Variants in TDG observed in about 807,000 individuals in gnomAD.
TDG encodes the protein G/T mismatch-specific thymine DNA glycosylase.
In TDG, 23 loss-of-function variants were observed where a neutral mutation model predicts 46.1. The observed-to-expected ratio is 0.50, with a 90% CI of 0.36 to 0.71. The LOEUF (loss-of-function observed/expected upper bound fraction) is 0.71, where lower values mean the gene tolerates loss of function less well. Among genes scored for constraint, TDG ranks in the 30% least tolerant of loss-of-function variants. The probability of loss-of-function intolerance (pLI) is 0.00; values close to 1 mark genes in which losing one functional copy is unlikely to be tolerated. For missense variants in TDG, 304 were observed against 486.7 expected, an observed-to-expected ratio of 0.62 and a Z score of 3.53; for synonymous variants, 115 against 161.3, an observed-to-expected ratio of 0.71 and a Z score of 2.18.
At chr12:103,985,869 T>A in intron 9 of TDG, 141 bp downstream of exon 9, 1 of 946,468 alleles carries the variant, frequency 1.1e-6, no homozygotes, top group African/African-American at 1.7e-5. Flanking sequence ...TAGTGAAAAA[T>A]TGATGGTTAT....
At chr12:103,972,732 C>A (rs1419677032) in intron 1 of TDG, among the ~76,000 whole-genome samples, 1 of 152,136 alleles carries the variant, frequency 6.6e-6, no homozygotes, top group African/African-American at 2.4e-5. Context: ...AGGTTTCTTT[C>A]AAACTTGATA....
intron 7 of TDG, 56 bp from the exon 8 acceptor site, chr12:103,984,689 CAATG>C: frequency 7.7e-7 from 1 of 1,297,088 alleles, no homozygotes; most frequent in Non-Finnish European, 1.0e-6. Flanking sequence ...ATTCTAATCT[CAATG>C]AGTGAATTCA....
chr12:103,966,098 C>T lies in TDG; in HGVS notation c.23+38C>T, dbSNP rs897730098. 2.6e-6 allele frequency: 4 copies of T among 1,535,894 alleles called. No individual in the cohort carries two copies. In the African/African-American group the frequency reaches 4.2e-5, roughly 16 times the overall value. ...CCAGCGCCGCCCCTCCCTTGCGCCCCTCACTGCTGGGCAGGCTGGCTGGCG... is the reference window on the plus strand; with the variant it reads ...CCAGCGCCGCCCCTCCCTTGCGCCCTTCACTGCTGGGCAGGCTGGCTGGCG... On this transcript the variant is annotated intron_variant, in intron 1 of 9. Transcript: ENST00000392872.
At chr12:103,983,106 A>G (rs753405857) in intron 5 of TDG, 30 bp from the exon 6 acceptor site, 1 of 1,558,830 alleles carries the variant, frequency 6.4e-7, no homozygotes, top group South Asian at 1.2e-5. Context: ...TCATATTTAT[A>G]TTTTTGACTA....
rs1454410058 is a variant in TDG, at chr12:103,988,840, T to C, written c.*1750T>C. The stretch of plus-strand genomic sequence containing the variant: ...AATTCATTTGAAAGTCTGATGGCTT[T>C]TACAATAAAAGATATTAAGAATTGT... On this transcript the variant is annotated 3_prime_UTR_variant, in exon 10 of 10. Transcript: ENST00000392872. The C allele has an allele frequency of 6.6e-6, 1 of 152,180 alleles. No individual in the cohort carries two copies. Among genetic ancestry groups the C allele is most frequent in the African/African-American group, 2.4e-5 (1 of 41,444 alleles). 9.4% of individuals were successfully genotyped at this position (152,180 alleles called of 1,614,324 possible).
intron 7 of TDG, among the ~76,000 whole-genome samples, chr12:103,984,545 C>T (rs1389346655): frequency 6.6e-6 from 1 of 152,062 alleles, no homozygotes; most frequent in African/African-American, 2.4e-5. Context: ...GGCGGAGGCT[C>T]ATTATTTTTC....
chr12:103,966,964 T>TA (rs1871064829), intron 1 of TDG, among the ~76,000 whole-genome samples: 1 of 152,160 alleles, frequency 6.6e-6, no homozygotes. Flanking sequence ...AAGGGCACAC[T>TA]AACCAAAATA....
chr12:103,983,264 G>A (rs1457564453), intron 6 of TDG, 31 bp from the exon 7 acceptor site: 1 of 1,569,014 alleles, frequency 6.4e-7, no homozygotes, highest in Non-Finnish European at 8.6e-7. Context: ...AACATTATGG[G>A]CAATGTAAAT....
At chr12:103,984,464 A>G (rs1055674221) in intron 7 of TDG, among the ~76,000 whole-genome samples, 1 of 152,156 alleles carries the variant, frequency 6.6e-6, no homozygotes, top group African/African-American at 2.4e-5. Flanking sequence ...GCATGGTGGC[A>G]TGCGCTGTAA....
intron 4 of TDG, 45 bp downstream of exon 4, chr12:103,981,007 C>G: frequency 6.5e-7 from 1 of 1,536,628 alleles, no homozygotes; most frequent in Non-Finnish European, 8.9e-7. Flanking sequence ...AATTAGGTAT[C>G]TTTGTTAACA....
Position 103,987,075 on chromosome 12 carries a change from A to G in TDG, c.1218A>G (p.Glu406=). The change falls in exon 10 of 10, where the codon GAA becomes GAG. Residue 406 remains glutamate, a synonymous_variant. Coordinates refer to ENST00000392872, the MANE Select transcript of TDG (RefSeq NM_003211.6). ...ACTGTGGAACACAAGAACAGGAAGAAGAAAGCCATGCTTAAGAATGGTGCT... is the reference window on the plus strand; with the variant it reads ...ACTGTGGAACACAAGAACAGGAAGAGGAAAGCCATGCTTAAGAATGGTGCT... ...SNHCGTQEQE[E]ESHA is the part of the protein sequence containing the mutation. 6.2e-7 allele frequency: 1 copy of G among 1,613,940 alleles called. No individual in the cohort carries two copies. Among genetic ancestry groups the G allele is most frequent in the Non-Finnish European group, 8.5e-7 (1 of 1,179,940 alleles).
In TDG at chr12:103,982,925, A is replaced by G. The variant is rs1241547052; in HGVS notation, c.605A>G (p.Asp202Gly). Residue 202 changes from aspartate to glycine, a missense_variant, in exon 5 of 10, where the codon GAT becomes GGT. Transcript: ENST00000392872. ...GAAAGGACCACGCCCGGCAGCAAAG[A>G]TCTCTCCAGGTAAGTACACAGCATT... ...MVERTTPGSKDLSSKEFREGG... is the reference protein window; with the variant it reads ...MVERTTPGSKGLSSKEFREGG... 6.2e-7 allele frequency: 1 copy of G among 1,614,122 alleles called. No homozygotes were observed. Among genetic ancestry groups the G allele is most frequent in the Admixed American group, 1.7e-5 (1 of 60,004 alleles).
chr12:103,973,010 A>G, intron 1 of TDG: 1 of 702,558 alleles, frequency 1.4e-6, no homozygotes, highest in Non-Finnish European at 2.6e-6. Context: ...TTCTGAGAGT[A>G]GTAGTAAGAA....
intron 1 of TDG, among the ~76,000 whole-genome samples, chr12:103,966,990 A>G (rs1177280725): frequency 1.3e-5 from 2 of 152,198 alleles, no homozygotes; most frequent in Admixed American, 1.3e-4. Context: ...GAGCTTAGGA[A>G]AAGAGATATA....
chr12:103,968,819 T>C (rs1201654404), intron 1 of TDG, among the ~76,000 whole-genome samples: 1 of 152,232 alleles, frequency 6.6e-6, no homozygotes, highest in Non-Finnish European at 1.5e-5. Flanking sequence ...AATCAATGGT[T>C]ACTGAGCATT....
At chr12:103,969,647 C>CCTAT (rs1376936606) in intron 1 of TDG, among the ~76,000 whole-genome samples, 1 of 152,144 alleles carries the variant, frequency 6.6e-6, no homozygotes, top group Admixed American at 6.5e-5. Context: ...GAGGCACAAT[C>CCTAT]CTATACTCAG....
At chr12:103,981,637 CT>C (rs1307625078) in intron 4 of TDG, among the ~76,000 whole-genome samples, 7 of 152,150 alleles carry the variant, frequency 4.6e-5, no homozygotes, top group African/African-American at 1.7e-4. Flanking sequence ...ATAATACTAA[CT>C]TTCCCAGATT....
At chr12:103,986,834 G>A (rs1872176082) in intron 9 of TDG, 114 bp from the exon 10 acceptor site, 2 of 1,158,066 alleles carry the variant, frequency 1.7e-6, no homozygotes, top group Non-Finnish European at 2.4e-6. Context: ...GCAAAGAGCT[G>A]TGATCATGCC....
intron 2 of TDG, among the ~76,000 whole-genome samples, chr12:103,978,388 G>C (rs2136237616): frequency 6.6e-6 from 1 of 152,294 alleles, no homozygotes; most frequent in Middle Eastern, 3.4e-3. Context: ...GGGTGGGAGA[G>C]TGGTTGGAGA....
Sources: gnomAD v4.1 joint callset for allele counts (sites outside exome capture counted in the v4.1 genomes callset) on GRCh38, gnomAD v4.1.1 for gene constraint, MANE v1.5 for transcripts, NCBI Gene and HGNC (gene_info 2026-07-23, HGNC 2026-07-21) for gene names.